Variants in MIGA1 observed in about 807,000 individuals in gnomAD.
MIGA1 encodes the protein family with sequence similarity 73, member A.
A neutral mutation model predicts 82.0 loss-of-function variants in MIGA1; 58 were observed. The observed-to-expected ratio is 0.71, with a 90% confidence interval of 0.57 to 0.88. The LOEUF is 0.88. Ranked by LOEUF, MIGA1 falls within the 40% of genes least tolerant of loss-of-function variation. The probability of loss-of-function intolerance (pLI) is 0.00; values close to 1 mark genes in which losing one functional copy is unlikely to be tolerated. For synonymous variants in MIGA1, 249 were observed against 253.6 expected (o/e 0.98, Z 0.17); for missense variants, 751 against 749.1 (o/e 1.00, Z -0.03).
chr1:77,799,764 C>T (rs1682798980), intron 2 of MIGA1, among the ~76,000 whole-genome samples: 1 of 149,894 alleles, frequency 6.7e-6, no homozygotes, highest in Admixed American at 6.6e-5. Flanking sequence ...AGTAATGACT[C>T]CTCCTCTTTT....
At chr1:77,801,651 T>C in intron 3 of MIGA1, 143 bp downstream of exon 3, 1 of 679,228 alleles carries the variant, frequency 1.5e-6, no homozygotes, top group African/African-American at 1.9e-5. Flanking sequence ...TTAGAAAGAT[T>C]AGAAAATGTA....
intron 8 of MIGA1, among the ~76,000 whole-genome samples, chr1:77,850,599 A>G (rs1685009452): frequency 1.3e-5 from 2 of 152,210 alleles, no homozygotes; most frequent in Non-Finnish European, 2.9e-5. Flanking sequence ...CATTTCATTC[A>G]TGGTCATTCA....
Position 77,807,005 on chromosome 1 carries a change from G to A in MIGA1, c.541G>A (p.Ala181Thr), listed in dbSNP as rs760651456. Residue 181 changes from alanine to threonine, a missense_variant, in exon 5 of 16, where the codon GCT (alanine) becomes ACT (threonine). This residue lies in a region of MIGA1 where 482 missense variants were observed against 439.4 expected (regional missense o/e 1.10). Transcript: ENST00000370791. ...GAGTGTCAATTCTTGTCATAGCTGC[G>A]CTTGTGGCAATTCTAATTCCTGGGA... The A allele has an allele frequency of 6.2e-6, 10 of 1,611,736 alleles. No individual in the cohort carries two copies. Among genetic ancestry groups the A allele is most frequent in the African/African-American group, 2.7e-5 (2 of 74,828 alleles).
At chr1:77,790,090 T>C (rs1213086715) in intron 2 of MIGA1, among the ~76,000 whole-genome samples, 1 of 152,232 alleles carries the variant, frequency 6.6e-6, no homozygotes. Flanking sequence ...TTTCCCCCAA[T>C]GGTTACATTT....
intron 12 of MIGA1, among the ~76,000 whole-genome samples, chr1:77,862,606 C>G (rs1431139406): frequency 6.6e-6 from 1 of 151,904 alleles, no homozygotes; most frequent in Non-Finnish European, 1.5e-5. Flanking sequence ...AAAAATTAGC[C>G]AGGCATGGAG....
intron 5 of MIGA1, 114 bp from the exon 6 acceptor site, chr1:77,813,620 T>G (rs1683449620): frequency 2.8e-6 from 3 of 1,079,042 alleles, no homozygotes; most frequent in Non-Finnish European, 4.0e-6. Flanking sequence ...GATTCTTTAG[T>G]GTCAAAATTA....
intron 2 of MIGA1, among the ~76,000 whole-genome samples, chr1:77,798,252 C>T (rs1257945485): frequency 6.6e-6 from 1 of 152,166 alleles, no homozygotes; most frequent in Non-Finnish European, 1.5e-5. Flanking sequence ...GGGGAGAATC[C>T]TTCCTTGCCT....
intron 7 of MIGA1, among the ~76,000 whole-genome samples, chr1:77,840,999 T>C (rs1684607961): frequency 6.6e-6 from 1 of 152,184 alleles, no homozygotes; most frequent in Non-Finnish European, 1.5e-5. Context: ...TGTATTTGTG[T>C]TTAAAAAGCC....
chr1:77,794,767 C>T (rs533410020), intron 2 of MIGA1, among the ~76,000 whole-genome samples: 3 of 152,104 alleles, frequency 2.0e-5, no homozygotes, highest in South Asian at 2.1e-4. Flanking sequence ...GCACACTGCA[C>T]GCTAGCCTGG....
intron 7 of MIGA1, among the ~76,000 whole-genome samples, chr1:77,827,344 C>CA (rs1288869345): frequency 1.3e-5 from 2 of 152,042 alleles, no homozygotes; most frequent in Non-Finnish European, 2.9e-5. Flanking sequence ...TGTGTTGACT[C>CA]ACGCCTGTAG....
At chr1:77,830,461 T>C (rs1037580573) in intron 7 of MIGA1, among the ~76,000 whole-genome samples, 2 of 152,242 alleles carry the variant, frequency 1.3e-5, no homozygotes, top group Admixed American at 6.5e-5. Context: ...TTAGTTGTAA[T>C]ACCAGTAATT....
Position 77,807,016 on chromosome 1 carries a change from T to C in MIGA1, c.552T>C (p.Asn184=). ...CTTGTCATAGCTGCGCTTGTGGCAA[T>C]TCTAATTCCTGGGACAAAGCAGATG... Residue 184 remains asparagine (N), a synonymous_variant, in exon 5 of 16, where the codon AAT becomes AAC. Coordinates refer to ENST00000370791, the MANE Select transcript of MIGA1 (RefSeq NM_198549.4). 1 of 1,612,100 alleles carries C rather than the reference T, an allele frequency of 6.2e-7. No individual in the cohort carries two copies. The highest frequency in any genetic ancestry group is 8.5e-7 in the Non-Finnish European group (1 of 1,178,304).
At chr1:77,837,247 G>A (rs996847022) in intron 7 of MIGA1, among the ~76,000 whole-genome samples, 7 of 152,156 alleles carry the variant, frequency 4.6e-5, no homozygotes, top group African/African-American at 1.7e-4. Context: ...AACCCAGTAT[G>A]TTTTAATAAG....
chr1:77,804,185 G>A (rs961561462), intron 4 of MIGA1, among the ~76,000 whole-genome samples: 42 of 152,226 alleles, frequency 2.8e-4, no homozygotes, highest in Middle Eastern at 3.4e-3. Flanking sequence ...CTACATAGGT[G>A]AAAGTATTTG....
chr1:77,781,047 C>T lies in MIGA1; in HGVS notation c.81+1311C>T, dbSNP rs1006200776. 3.9e-5 allele frequency among the ~76,000 whole-genome samples: 6 copies of T among 151,904 alleles called. No homozygotes were observed. The East Asian group carries it at 1.2e-3, about 29-fold the overall frequency. On this transcript the variant is annotated intron_variant, in intron 1 of 15. Transcript: ENST00000370791. ...TCAGCCTTCCGAGTAGCTGGGATTA[C>T]AGGCGCCCGACATCACTCCTGGCTA...
chr1:77,830,734 T>C (rs2101855167), intron 7 of MIGA1, among the ~76,000 whole-genome samples: 1 of 152,276 alleles, frequency 6.6e-6, no homozygotes, highest in East Asian at 1.9e-4. Context: ...GGCTATAGCC[T>C]CTCATTAAGG....
At chr1:77,858,875 G>A in intron 8 of MIGA1, 63 bp from the exon 9 acceptor site, 2 of 883,218 alleles carry the variant, frequency 2.3e-6, no homozygotes, top group Admixed American at 3.9e-5. Flanking sequence ...CCAAAGTGTT[G>A]CAATTACAGG....
In MIGA1 at chr1:77,874,525, C is replaced by T. The variant is rs1288219801; in HGVS notation, c.1681-321C>T. ...TAAACAGTGCTTTAGAGTTTACAGGCACTTCTTATAGATTATCTTTTTTTA... is the reference window on the plus strand; with the variant it reads ...TAAACAGTGCTTTAGAGTTTACAGGTACTTCTTATAGATTATCTTTTTTTA... On this transcript the variant is annotated intron_variant, in intron 15 of 15. Transcript: ENST00000370791. Among the ~76,000 whole-genome samples, 5 of 152,120 alleles carry T rather than the reference C, an allele frequency of 3.3e-5. No homozygotes were observed. In the East Asian group the frequency reaches 9.6e-4, roughly 29 times the overall value.
chr1:77,805,151 C>G (rs559946957), intron 4 of MIGA1, among the ~76,000 whole-genome samples: 5 of 151,920 alleles, frequency 3.3e-5, no homozygotes, highest in Non-Finnish European at 7.4e-5. Context: ...CCCGCCACCA[C>G]GCCCGGCTAA....
Sources: gnomAD v4.1 joint callset for allele counts (sites outside exome capture counted in the v4.1 genomes callset) on GRCh38, gnomAD v4.1.1 for gene constraint, gnomAD v4.1.1 regional missense constraint, MANE v1.5 for transcripts, NCBI Gene and HGNC (gene_info 2026-07-23, HGNC 2026-07-21) for gene names.